AGT: variants seen among roughly 807,000 people sequenced by gnomAD.
AGT encodes the protein angiotensinogen.
In AGT, 26 loss-of-function variants were observed where a neutral mutation model predicts 28.1. The ratio of observed to expected loss-of-function variants is 0.92; its 90% CI spans 0.68 to 1.28. The LOEUF is 1.28. Among genes scored for constraint, AGT ranks in the 50% most tolerant of loss-of-function variants. The pLI is 0.00. For missense variants in AGT, 596 were observed against 592.3 expected (o/e 1.01, Z -0.06); for synonymous variants, 259 against 259.6 (o/e 1.00, Z 0.02).
chr1:230,731,878 T>TAAC (rs957557351), intron 1 of AGT, among the ~76,000 whole-genome samples: 11 of 151,670 alleles, frequency 7.3e-5, no homozygotes, highest in South Asian at 2.1e-4. Context: ...AAAAAAATAA[T>TAAC]AACAACAACA....
chr1:230,708,164 G>C (rs1323430307), intron 2 of AGT, among the ~76,000 whole-genome samples: 1 of 152,214 alleles, frequency 6.6e-6, no homozygotes, highest in Non-Finnish European at 1.5e-5. Flanking sequence ...GGTCAGGGCA[G>C]CATGCGGTGG....
chr1:230,708,467 G>A (rs1663458140), intron 2 of AGT, among the ~76,000 whole-genome samples: 1 of 152,140 alleles, frequency 6.6e-6, no homozygotes, highest in Non-Finnish European at 1.5e-5. Context: ...CCCTCGGGCT[G>A]GCCTCTGCCC....
intron 1 of AGT, among the ~76,000 whole-genome samples, chr1:230,733,498 A>G (rs1468630142): frequency 6.6e-6 from 1 of 152,070 alleles, no homozygotes; most frequent in Non-Finnish European, 1.5e-5. Flanking sequence ...GTTGAGGTCG[A>G]TTTTCACTCG....
chr1:230,710,099 ATCT>A lies in AGT; in HGVS notation c.722_724del (p.Lys241del). The A allele has an allele frequency of 2.5e-6, 4 of 1,614,166 alleles. No individual in the cohort carries two copies. The highest frequency in any genetic ancestry group is 3.4e-6 in the Non-Finnish European group (4 of 1,180,026). ...TGTCACAGCCTGCATGAACCTGTCA[ATCT>A]TCTCAGCAGCAACATCCAGTTCTGT... On this transcript the variant is annotated inframe_deletion, in exon 2 of 5. Transcript: ENST00000366667.
chr1:230,730,314 T>C (rs1664029994), intron 1 of AGT, among the ~76,000 whole-genome samples: 1 of 152,074 alleles, frequency 6.6e-6, no homozygotes, highest in Non-Finnish European at 1.5e-5. Context: ...TCTCAAGTGA[T>C]CCGTCCACCT....
At chr1:230,735,421 T>C (rs916249858) in intron 1 of AGT, among the ~76,000 whole-genome samples, 1 of 152,226 alleles carries the variant, frequency 6.6e-6, no homozygotes, top group African/African-American at 2.4e-5. Flanking sequence ...ATGTTTAATA[T>C]TTTTACATTT....
rs753328059 is a variant in AGT, at chr1:230,704,178, C to T, written c.1242+15G>A. The T allele has an allele frequency of 1.9e-6, 3 of 1,614,160 alleles. No homozygotes were observed. The highest frequency in any genetic ancestry group is 1.1e-5 in the South Asian group (1 of 91,090). On this transcript the variant is annotated intron_variant, in intron 4 of 4. Transcript: ENST00000366667. ...TTGGAACCCAGGTCAGGCACAGACA[C>T]AGGCTCACACATACCTCCCCCACCC...
At chr1:230,719,651 C>A (rs11585925) in intron 1 of AGT, among the ~76,000 whole-genome samples, 1 of 152,200 alleles carries the variant, frequency 6.6e-6, no homozygotes, top group Middle Eastern at 3.4e-3. Context: ...TCGTGATCCG[C>A]CTGCCTCGGC....
intron 1 of AGT, among the ~76,000 whole-genome samples, chr1:230,736,292 G>A (rs1217284132): frequency 1.3e-5 from 2 of 152,118 alleles, no homozygotes; most frequent in Admixed American, 6.6e-5. Context: ...GGGAGGCTGA[G>A]GTGGGCAGAT....
chr1:230,707,827 C>T (rs1663437955), intron 2 of AGT, among the ~76,000 whole-genome samples: 1 of 152,190 alleles, frequency 6.6e-6, no homozygotes, highest in South Asian at 2.1e-4. Context: ...GCTCACCATT[C>T]TCATCCGGAG....
At chr1:230,722,086 G>A (rs1354022302) in intron 1 of AGT, among the ~76,000 whole-genome samples, 2 of 152,014 alleles carry the variant, frequency 1.3e-5, no homozygotes, top group East Asian at 1.9e-4. Context: ...CGCCTGCTCT[G>A]TGCAGCCTCT....
chr1:230,704,700 G>C (rs776354852), intron 3 of AGT, among the ~76,000 whole-genome samples: 2 of 152,214 alleles, frequency 1.3e-5, no homozygotes, highest in African/African-American at 2.4e-5. Context: ...CCACAGCAGT[G>C]TTCTTGATGA....
chr1:230,720,926 G>A lies in AGT; in HGVS notation c.-30-10073C>T, dbSNP rs180867120. 5.1e-4 allele frequency among the ~76,000 whole-genome samples: 77 copies of A among 152,288 alleles called. 1 individual carries two copies. The East Asian group carries it at 0.013, about 26-fold the overall frequency. On this transcript the variant is annotated intron_variant, in intron 1 of 4. Coordinates refer to the AGT transcript ENST00000681269. The stretch of plus-strand genomic sequence containing the variant: ...CCCTCACCCTTCAGAGTTCAGCACA[G>A]CCTCATTCATTCTGGGCGTGGGACA...
chr1:230,739,591 G>A (rs1217801444), intron 1 of AGT, among the ~76,000 whole-genome samples: 1 of 152,144 alleles, frequency 6.6e-6, no homozygotes, highest in East Asian at 1.9e-4. Context: ...GCCAGGCTGA[G>A]CTTCCGGGGT....
At chr1:230,744,739 C>A (rs1459614498) in intron 1 of AGT, among the ~76,000 whole-genome samples, 3 of 152,188 alleles carry the variant, frequency 2.0e-5, no homozygotes, top group African/African-American at 7.2e-5. Flanking sequence ...AAGACCCCAG[C>A]CTGGAGAGGT....
At chr1:230,729,145 CCACCATCTGCCATGCAGGG>C (rs1432996718) in intron 1 of AGT, among the ~76,000 whole-genome samples, 1 of 152,194 alleles carries the variant, frequency 6.6e-6, no homozygotes, top group Non-Finnish European at 1.5e-5. Context: ...TGCAGTTTCT[CCACCATCTGCCATGCAGGG>C]CACCACCATG....
At chr1:230,743,497 G>A (rs1664287257) in intron 1 of AGT, among the ~76,000 whole-genome samples, 1 of 152,174 alleles carries the variant, frequency 6.6e-6, no homozygotes, top group African/African-American at 2.4e-5. Context: ...TCTGGAGTTA[G>A]CCTCAGCCCC....
At chr1:230,719,274 C>T (rs1241888936), upstream of AGT, among the ~76,000 whole-genome samples, 3 of 152,108 alleles carry the variant, frequency 2.0e-5, no homozygotes, top group African/African-American at 7.2e-5. Context: ...GGGCAGTGCC[C>T]TATGGACTGC....
At position 230,710,768 on chromosome 1, in the gene AGT, G is replaced by C. The variant is rs1244732417; in HGVS notation, c.56C>G (p.Ala19Gly). ...CACCCGGTCACCTGCAGCCAGGCCA[G>C]CCCAGGCCAGGAGGCAGAGGATGGT... Reference protein sequence around the residue: ...RATILCLLAWAGLAAGDRVYI... With the variant: ...RATILCLLAWGGLAAGDRVYI... Residue 19 changes from alanine to glycine, a missense_variant, in exon 2 of 5, where the codon GCT (alanine) becomes GGT (glycine). By Grantham distance (60) the Ala-to-Gly change is moderately conservative (BLOSUM62 0). Coordinates refer to ENST00000366667, the MANE Select transcript of AGT (RefSeq NM_001384479.1). 1.2e-6 allele frequency: 2 copies of C among 1,614,190 alleles called. No homozygotes were observed. Among genetic ancestry groups the C allele is most frequent in the Admixed American group, 3.3e-5 (2 of 60,030 alleles).
Sources: allele counts gnomAD v4.1 joint callset (sites outside exome capture counted in the v4.1 genomes callset), GRCh38; gene constraint gnomAD v4.1.1; transcripts MANE v1.5; gene names NCBI Gene and HGNC (gene_info 2026-07-23, HGNC 2026-07-21).